The following GRB14 variants were observed in gnomAD, a reference collection of about 807,000 sequenced individuals.
GRB14 encodes the protein growth factor receptor bound protein 14, also known as growth factor receptor-bound protein 14.
Under a neutral mutation model 69.1 loss-of-function variants are expected in GRB14, and 38 were observed. That is an observed-to-expected ratio of 0.55 (90% confidence interval 0.42 to 0.72). The LOEUF is 0.72. Ranked by LOEUF, GRB14 falls within the 30% of genes least tolerant of loss-of-function variation. GRB14 has a pLI of 0.00. For missense variants in GRB14, 666 were observed against 666.1 expected (o/e 1.00, Z 0.00); for synonymous variants, 247 against 241.3 (o/e 1.02, Z -0.22).
Position 164,527,104 on chromosome 2 carries a change from A to T in GRB14, c.513T>A (p.Ile171=), listed in dbSNP as rs1469767461. 6.3e-7 allele frequency: 1 copy of T among 1,585,460 alleles called. No homozygotes were observed. Among genetic ancestry groups the T allele is most frequent in the Non-Finnish European group, 8.6e-7 (1 of 1,159,840 alleles). The change falls in exon 4 of 14, where the codon ATT becomes ATA. Residue 171 remains isoleucine, a synonymous_variant. Coordinates refer to ENST00000263915, the MANE Select transcript of GRB14 (RefSeq NM_004490.3). ...CTATCCCCCAGTTGGATAGCACTTC[A>T]ATCACCAGTTCGTGGTCTTCTATTG... is the stretch of plus-strand genomic sequence containing the variant. ...ERTIEDHELV[I]EVLSNWGIEE...
At chr2:164,576,731 A>T (rs1023846589) in intron 2 of GRB14, among the ~76,000 whole-genome samples, 4 of 151,862 alleles carry the variant, frequency 2.6e-5, no homozygotes, top group Non-Finnish European at 5.9e-5. Flanking sequence ...AAATAAATTT[A>T]CTAACATCCC....
At chr2:164,498,275 T>C (rs1309069383) in intron 9 of GRB14, among the ~76,000 whole-genome samples, 1 of 152,186 alleles carries the variant, frequency 6.6e-6, no homozygotes, top group Non-Finnish European at 1.5e-5. Flanking sequence ...TAAAGAAACT[T>C]AGTTTAAACA....
chr2:164,605,559 C>A (rs1387489473), intron 2 of GRB14, among the ~76,000 whole-genome samples: 2 of 152,030 alleles, frequency 1.3e-5, no homozygotes, highest in Admixed American at 6.6e-5. Flanking sequence ...TAAGGAATAC[C>A]AACACTCAAA....
At chr2:164,527,213 A>G (rs1042177932) in intron 3 of GRB14, 78 bp from the exon 4 acceptor site, 3 of 268,518 alleles carry the variant, frequency 1.1e-5, no homozygotes, top group Admixed American at 1.1e-4. Context: ...ATATATATAT[A>G]TATATATACA....
In GRB14 at chr2:164,525,023, GA is replaced by G; in HGVS notation, c.658del (p.Ser220ProfsTer10). On this transcript the variant is annotated frameshift_variant, in exon 5 of 14. Transcript: ENST00000263915. LOFTEE classifies it high-confidence loss of function. The stretch of plus-strand genomic sequence containing the variant: ...TTTTACCTGCAAAATCTGTGTGGGG[GA>G]TATTTCACCATTGGTTTCAGTTGCA... ...SFATETNGEI[S>X]PTQILQMFLS... 6.3e-7 allele frequency: 1 copy of G among 1,582,764 alleles called. No individual in the cohort carries two copies. The highest frequency in any genetic ancestry group is 2.3e-5 in the East Asian group (1 of 43,844).
chr2:164,595,690 A>T (rs760375895), intron 2 of GRB14, among the ~76,000 whole-genome samples: 20 of 152,230 alleles, frequency 1.3e-4, no homozygotes, highest in Non-Finnish European at 2.1e-4. Flanking sequence ...ATAGATGAAT[A>T]TCAGGTTCAG....
intron 3 of GRB14, among the ~76,000 whole-genome samples, chr2:164,528,840 T>C (rs1687849340): frequency 2.0e-5 from 3 of 152,308 alleles, no homozygotes; most frequent in Admixed American, 1.3e-4. Context: ...AAATACAGTA[T>C]GTCTAAAACC....
chr2:164,559,594 T>G (rs147335592), intron 2 of GRB14, among the ~76,000 whole-genome samples: 2 of 152,300 alleles, frequency 1.3e-5, no homozygotes, highest in Non-Finnish European at 2.9e-5. Context: ...TCCAATTTCA[T>G]CCAGGTTGCT....
At chr2:164,606,957 C>T (rs1187023824) in intron 2 of GRB14, among the ~76,000 whole-genome samples, 1 of 152,120 alleles carries the variant, frequency 6.6e-6, no homozygotes, top group African/African-American at 2.4e-5. Context: ...AGTATGCATG[C>T]TTTTTAACTG....
intron 3 of GRB14, among the ~76,000 whole-genome samples, chr2:164,536,455 T>C (rs558738061): frequency 1.4e-4 from 21 of 152,204 alleles, no homozygotes; most frequent in Non-Finnish European, 2.6e-4. Flanking sequence ...ATACATTCCA[T>C]TAAAGGAAAT....
intron 2 of GRB14, among the ~76,000 whole-genome samples, chr2:164,567,872 A>G (rs1295497094): frequency 6.6e-6 from 1 of 152,210 alleles, no homozygotes; most frequent in Non-Finnish European, 1.5e-5. Context: ...TTTAAACAGT[A>G]AAATAATTGT....
chr2:164,494,623 C>T (rs781339740), intron 12 of GRB14, 99 bp from the exon 13 acceptor site: 59 of 755,668 alleles, frequency 7.8e-5, no homozygotes, highest in Non-Finnish European at 1.2e-4. Context: ...ATAAATGTAG[C>T]TGGGGACTCC....
intron 6 of GRB14, among the ~76,000 whole-genome samples, chr2:164,510,002 G>A (rs147966021): frequency 6.6e-6 from 1 of 152,178 alleles, no homozygotes; most frequent in African/African-American, 2.4e-5. Context: ...CACCATTGGA[G>A]AATAAGACAG....
At chr2:164,534,598 C>T (rs938481409) in intron 3 of GRB14, among the ~76,000 whole-genome samples, 3 of 152,108 alleles carry the variant, frequency 2.0e-5, no homozygotes, top group Admixed American at 6.5e-5. Context: ...AACACCATCA[C>T]CAAGACCTAA....
chr2:164,511,770 T>C (rs1162101345), intron 6 of GRB14, among the ~76,000 whole-genome samples: 1 of 152,120 alleles, frequency 6.6e-6, no homozygotes, highest in Non-Finnish European at 1.5e-5. Context: ...TTGTCCTGTA[T>C]GTTCAATGTA....
chr2:164,564,590 AT>A (rs1204696753), intron 2 of GRB14, among the ~76,000 whole-genome samples: 8 of 152,174 alleles, frequency 5.3e-5, no homozygotes, highest in South Asian at 2.1e-4. Flanking sequence ...TCTTAAAAAA[AT>A]ATATGTCATT....
chr2:164,496,910 C>A (rs1432026765), intron 12 of GRB14, 98 bp downstream of exon 12: 1 of 921,978 alleles, frequency 1.1e-6, no homozygotes, highest in Admixed American at 2.0e-5. Flanking sequence ...TTATGATAAG[C>A]CCAAATCAAG....
At chr2:164,539,684 AG>A (rs1278894125) in intron 3 of GRB14, 3 of 152,180 alleles carry the variant, frequency 2.0e-5, no homozygotes, top group Non-Finnish European at 2.9e-5. Flanking sequence ...AACTGGCCTA[AG>A]CTTATCTTGG....
intron 3 of GRB14, among the ~76,000 whole-genome samples, chr2:164,531,897 A>G (rs760398386): frequency 3.3e-5 from 5 of 152,246 alleles, no homozygotes; most frequent in Non-Finnish European, 7.3e-5. Context: ...AGCATGACAG[A>G]GAAGCAATAG....
Sources: allele counts gnomAD v4.1 joint callset (sites outside exome capture counted in the v4.1 genomes callset), GRCh38; gene constraint gnomAD v4.1.1; transcripts MANE v1.5; gene names NCBI Gene and HGNC (gene_info 2026-07-23, HGNC 2026-07-21).